Variants in EPS15L1 observed in about 807,000 individuals in gnomAD.
EPS15L1 encodes epidermal growth factor receptor substrate 15-like 1.
Under a neutral mutation model 117.1 loss-of-function variants are expected in EPS15L1, and 43 were observed. The ratio of observed to expected loss-of-function variants is 0.37; its 90% CI spans 0.29 to 0.47. EPS15L1 has a LOEUF of 0.47. Among genes scored for constraint, EPS15L1 ranks in the 20% least tolerant of loss-of-function variants. The probability of loss-of-function intolerance (pLI) is 0.99; values close to 1 mark genes in which losing one functional copy is unlikely to be tolerated. For synonymous variants in EPS15L1, 459 were observed against 470.5 expected (o/e 0.98, Z 0.32); for missense variants, 981 against 1,164.0 (o/e 0.84, Z 2.29).
At chr19:16,382,834 A>G (rs1265148057) in intron 21 of EPS15L1, among the ~76,000 whole-genome samples, 2 of 152,080 alleles carry the variant, frequency 1.3e-5, no homozygotes, top group Non-Finnish European at 1.5e-5. Context: ...AAACTTCTAG[A>G]ATCAGGCTGT....
intron 22 of EPS15L1, among the ~76,000 whole-genome samples, chr19:16,363,187 A>G (rs568781417): frequency 2.5e-4 from 38 of 152,258 alleles, no homozygotes; most frequent in African/African-American, 8.9e-4. Context: ...TATCTGCCCA[A>G]CGGAGTCCCT....
chr19:16,409,290 A>G (rs2092685440), intron 13 of EPS15L1, among the ~76,000 whole-genome samples: 1 of 152,226 alleles, frequency 6.6e-6, no homozygotes, highest in Non-Finnish European at 1.5e-5. Context: ...CTAGATGTCC[A>G]CATGCAAAAC....
At chr19:16,382,179 C>T (rs951129186) in intron 21 of EPS15L1, among the ~76,000 whole-genome samples, 3 of 152,184 alleles carry the variant, frequency 2.0e-5, no homozygotes, top group South Asian at 4.1e-4. Context: ...TGGCAACTCG[C>T]GAGGCGACAG....
At chr19:16,464,151 A>G (rs1265250482) in intron 1 of EPS15L1, among the ~76,000 whole-genome samples, 1 of 152,266 alleles carries the variant, frequency 6.6e-6, no homozygotes, top group African/African-American at 2.4e-5. Context: ...TTCTGTTATC[A>G]GGTCTACATT....
At position 16,402,490 on chromosome 19, in the gene EPS15L1, G is replaced by A. The variant is rs1341775944; in HGVS notation, c.1627-5C>T. On this transcript the variant is annotated splice_polypyrimidine_tract_variant and splice_region_variant and intron_variant, in intron 15 of 23. Transcript: ENST00000455140. ...CTGGGAAAGTTTGCTCCTTGCCTGT[G>A]CAACAAAGACATCATCAGCATTAAG... The A allele has an allele frequency of 6.3e-7, 1 of 1,586,182 alleles. No homozygotes were observed. Among genetic ancestry groups the A allele is most frequent in the Non-Finnish European group, 8.6e-7 (1 of 1,167,186 alleles).
At chr19:16,465,986 A>ATTT (rs1210019369) in intron 1 of EPS15L1, among the ~76,000 whole-genome samples, 2,034 of 126,166 alleles carry the variant, frequency 0.016, 62 homozygotes, top group Admixed American at 0.065. Flanking sequence ...CACTTTATCT[A>ATTT]TTTTTTTTTT....
rs1466094639 is a variant in EPS15L1 at position 16,371,950 on chromosome 19, T to C, written c.2380+5172A>G. ...TGACAGGTTTCGGCAGCCTGCCGGG[T>C]CTGTGCTGCATCTGCCTGAAAGAAA... is the stretch of plus-strand genomic sequence containing the variant. On this transcript the variant is annotated intron_variant, in intron 22 of 23. Transcript: ENST00000455140. The surrounding 1 kb of genome is among the most constrained non-coding windows in gnomAD (Gnocchi z 4.7). Among the ~76,000 whole-genome samples, 2 of 152,192 alleles carry C rather than the reference T, an allele frequency of 1.3e-5. No homozygotes were observed. The highest frequency in any genetic ancestry group is 4.8e-5 in the African/African-American group (2 of 41,442).
At chr19:16,413,355 G>C in intron 13 of EPS15L1, 1 of 695,376 alleles carries the variant, frequency 1.4e-6, no homozygotes, top group Non-Finnish European at 2.6e-6. Flanking sequence ...TAGTATCAAT[G>C]ACTGCTACAC....
chr19:16,467,445 C>T (rs897247214), intron 1 of EPS15L1, among the ~76,000 whole-genome samples: 13 of 151,920 alleles, frequency 8.6e-5, no homozygotes, highest in African/African-American at 2.9e-4. Context: ...CCACTGCACC[C>T]GGCCTGGAAA....
At position 16,374,871 on chromosome 19, in the gene EPS15L1, ATG is replaced by A. The variant is rs752789843; in HGVS notation, c.2380+2249_2380+2250del. Among the ~76,000 whole-genome samples the A allele has an allele frequency of 3.9e-4, 59 of 152,292 alleles. No homozygotes were observed. In the South Asian group the frequency reaches 3.9e-3, roughly 10 times the overall value. On this transcript the variant is annotated intron_variant, in intron 22 of 23. Transcript: ENST00000455140. ...TGTGTATGAGCACACACGCACGCAT[ATG>A]TGTGTGCACGTTTGCATGCATGCAT... is the stretch of plus-strand genomic sequence containing the variant.
In EPS15L1 at chr19:16,405,200, G is replaced by T. The variant is rs1254028677; in HGVS notation, c.1267-451C>A. 6.6e-6 allele frequency among the ~76,000 whole-genome samples: 1 copy of T among 152,224 alleles called. No homozygotes were observed. The highest frequency in any genetic ancestry group is 1.5e-5 in the Non-Finnish European group (1 of 68,036). ...TAGGATGGGGCCAACAGGTGAGCAG[G>T]TGCCAGGCAGGTGAAGAGCCAGGGA... is the stretch of plus-strand genomic sequence containing the variant. On this transcript the variant is annotated intron_variant, in intron 13 of 23. Coordinates refer to ENST00000455140, the MANE Select transcript of EPS15L1 (RefSeq NM_001258374.3). The surrounding 1 kb of genome is among the most constrained non-coding windows in gnomAD (Gnocchi z 4.0).
chr19:16,469,729 C>T (rs1370792645), intron 1 of EPS15L1, among the ~76,000 whole-genome samples: 1 of 152,120 alleles, frequency 6.6e-6, no homozygotes. Flanking sequence ...GGCTAGCCCG[C>T]TGGGTTATCC....
chr19:16,382,713 C>T (rs1369626135), intron 21 of EPS15L1, among the ~76,000 whole-genome samples: 1 of 150,976 alleles, frequency 6.6e-6, no homozygotes, highest in Admixed American at 6.6e-5. Context: ...TTTGGGGAAT[C>T]TGTTTTTAAA....
chr19:16,420,916 C>T (rs1180857595), intron 10 of EPS15L1, among the ~76,000 whole-genome samples: 1 of 152,238 alleles, frequency 6.6e-6, no homozygotes, highest in East Asian at 1.9e-4. Context: ...CTCCTGCCCC[C>T]GCCCTCACCC....
chr19:16,397,624 T>C (rs1282312423), intron 16 of EPS15L1, among the ~76,000 whole-genome samples: 2 of 152,120 alleles, frequency 1.3e-5, no homozygotes, highest in South Asian at 2.1e-4. Flanking sequence ...TGGTTGTTTC[T>C]GTCCTATGAG....
chr19:16,377,936 C>T (rs1298383745), intron 21 of EPS15L1, among the ~76,000 whole-genome samples: 1 of 152,228 alleles, frequency 6.6e-6, no homozygotes, highest in Non-Finnish European at 1.5e-5. Flanking sequence ...TCCTCCACCC[C>T]ACACCTGCTG....
rs2092357405 is a variant in EPS15L1 at position 16,381,108 on chromosome 19, C to T, written c.2248-3854G>A. ...TCCTGCACAGATGACCCCACCAGAT[C>T]CCTTCCCTGGGCTTCACGCCGCCCT... On this transcript the variant is annotated intron_variant, in intron 21 of 23. Coordinates refer to ENST00000455140, the MANE Select transcript of EPS15L1 (RefSeq NM_001258374.3). This position sits in a 1 kb window ranked among gnomAD's most constrained non-coding sequence, Gnocchi z 4.2. Among the ~76,000 whole-genome samples the T allele has an allele frequency of 6.6e-6, 1 of 152,268 alleles. No homozygotes were observed. Among genetic ancestry groups the T allele is most frequent in the Non-Finnish European group, 1.5e-5 (1 of 68,044 alleles).
In EPS15L1 at chr19:16,416,457, G is replaced by A. The variant is rs149851025; in HGVS notation, c.1193+1095C>T. On this transcript the variant is annotated intron_variant, in intron 12 of 23. Transcript: ENST00000455140. ...TCGAGACCAGCCTGGGCAACATGGCGAAACCCCATCTCTACAAAAAATATA... is the reference window on the plus strand; with the variant it reads ...TCGAGACCAGCCTGGGCAACATGGCAAAACCCCATCTCTACAAAAAATATA... Among the ~76,000 whole-genome samples the A allele has an allele frequency of 1.5e-3, 229 of 152,154 alleles. 1 individual carries two copies. In the East Asian group the frequency reaches 0.042, roughly 28 times the overall value.
intron 22 of EPS15L1, among the ~76,000 whole-genome samples, chr19:16,364,682 G>A (rs1204350705): frequency 1.3e-5 from 2 of 152,218 alleles, no homozygotes; most frequent in African/African-American, 2.4e-5. Context: ...CCTAAGGGAC[G>A]GGCAGGCAGC....
Sources: allele counts gnomAD v4.1 joint callset (sites outside exome capture counted in the v4.1 genomes callset), GRCh38; gene constraint gnomAD v4.1.1; non-coding constraint Gnocchi (gnomAD v3.1); transcripts MANE v1.5; gene names NCBI Gene and HGNC (gene_info 2026-07-23, HGNC 2026-07-21).